Variants in CSMD3 observed in about 807,000 individuals in gnomAD.
CSMD3 encodes the protein CUB and sushi domain-containing protein 3.
A neutral mutation model predicts 435.2 loss-of-function variants in CSMD3; 177 were observed. The observed-to-expected ratio is 0.41, with a 90% CI of 0.36 to 0.46. The LOEUF is 0.46. CSMD3 is among the 20% of genes least tolerant of loss of function. CSMD3 has a pLI of 0.34. For missense variants in CSMD3, 4,265 were observed against 4,504.6 expected, an observed-to-expected ratio of 0.95 and a Z score of 1.52; for synonymous variants, 1,656 against 1,520.5, an observed-to-expected ratio of 1.09 and a Z score of -2.07.
At chr8:112,851,440 C>T (rs372092791) in intron 11 of CSMD3, among the ~76,000 whole-genome samples, 10 of 151,958 alleles carry the variant, frequency 6.6e-5, no homozygotes, top group Admixed American at 1.3e-4. Context: ...GAGAGAGAAT[C>T]GTGACATAAA....
At chr8:112,695,764 T>G (rs982278654) in intron 13 of CSMD3, among the ~76,000 whole-genome samples, 1 of 152,140 alleles carries the variant, frequency 6.6e-6, no homozygotes, top group Non-Finnish European at 1.5e-5. Flanking sequence ...ATAAAGGGTA[T>G]TCAGTTAGGA....
At chr8:113,410,857 A>G (rs2094555143) in intron 1 of CSMD3, among the ~76,000 whole-genome samples, 1 of 148,926 alleles carries the variant, frequency 6.7e-6, no homozygotes, top group Non-Finnish European at 1.5e-5. Flanking sequence ...GTGAACTATG[A>G]TCATGCTACT....
intron 13 of CSMD3, among the ~76,000 whole-genome samples, chr8:112,790,997 T>C (rs2078673825): frequency 6.6e-6 from 1 of 152,082 alleles, no homozygotes; most frequent in African/African-American, 2.4e-5. Flanking sequence ...CACACATATA[T>C]GCATTGGTGA....
intron 23 of CSMD3, among the ~76,000 whole-genome samples, chr8:112,586,663 T>C (rs1188326789): frequency 6.6e-6 from 1 of 150,916 alleles, no homozygotes; most frequent in East Asian, 2.0e-4. Flanking sequence ...TTATAGACAA[T>C]AGAATACAAA....
chr8:112,265,369 A>G (rs1586588523), intron 60 of CSMD3, 42 bp downstream of exon 60: 1 of 1,443,092 alleles, frequency 6.9e-7, no homozygotes. Flanking sequence ...GAAAATATGT[A>G]CTGGTTACCA....
intron 4 of CSMD3, among the ~76,000 whole-genome samples, chr8:113,116,098 T>G (rs919858110): frequency 1.3e-5 from 2 of 152,144 alleles, no homozygotes; most frequent in Non-Finnish European, 2.9e-5. Context: ...GTACCCTGTT[T>G]ATGGTATTTC....
At chr8:112,578,041 A>G (rs1213643727) in intron 23 of CSMD3, among the ~76,000 whole-genome samples, 1 of 152,044 alleles carries the variant, frequency 6.6e-6, no homozygotes, top group African/African-American at 2.4e-5. Context: ...CATTTGTTTT[A>G]TAGGTTGATT....
chr8:112,370,043 A>G (rs1351021186), intron 38 of CSMD3, among the ~76,000 whole-genome samples: 1 of 145,788 alleles, frequency 6.9e-6, no homozygotes, highest in African/African-American at 2.5e-5. Context: ...GAAGAAGAAG[A>G]AGAAGAAGAA....
At chr8:113,368,363 T>C (rs1284432920) in intron 1 of CSMD3, among the ~76,000 whole-genome samples, 2 of 152,116 alleles carry the variant, frequency 1.3e-5, no homozygotes, top group Non-Finnish European at 2.9e-5. Context: ...TGGATAAGTT[T>C]GAATTACTAG....
intron 4 of CSMD3, among the ~76,000 whole-genome samples, chr8:113,117,114 A>G (rs548993835): frequency 1.1e-3 from 160 of 152,240 alleles, no homozygotes; most frequent in Non-Finnish European, 1.6e-3. Context: ...GATCACCAAA[A>G]AATGGCAAAA....
At chr8:112,822,160 A>G (rs755797264) in intron 12 of CSMD3, among the ~76,000 whole-genome samples, 3 of 152,158 alleles carry the variant, frequency 2.0e-5, no homozygotes, top group Non-Finnish European at 4.4e-5. Context: ...TATGACATTT[A>G]AAGTAGTTTT....
intron 22 of CSMD3, among the ~76,000 whole-genome samples, chr8:112,628,621 A>G (rs1834690496): frequency 6.6e-6 from 1 of 152,210 alleles, no homozygotes; most frequent in African/African-American, 2.4e-5. Context: ...GTGGAAGTAA[A>G]GGAGTTTTGT....
rs568083550 is a variant in CSMD3 at position 113,296,003 on chromosome 8, T to A, written c.402-17299A>T. On this transcript the variant is annotated intron_variant, in intron 2 of 70. Coordinates refer to ENST00000297405, the MANE Select transcript of CSMD3 (RefSeq NM_198123.2). Reference sequence around the variant, plus strand: ...TAAGTTCACGTCCTTTGTAGGGACATGGATGAAGGTGGAAACCATCATTCT... The same window carrying A: ...TAAGTTCACGTCCTTTGTAGGGACAAGGATGAAGGTGGAAACCATCATTCT... Among the ~76,000 whole-genome samples the A allele has an allele frequency of 2.0e-5, 3 of 152,154 alleles. No homozygotes were observed. The East Asian group carries it at 5.8e-4, about 30-fold the overall frequency.
intron 13 of CSMD3, among the ~76,000 whole-genome samples, chr8:112,746,647 T>C (rs904872470): frequency 8.6e-5 from 13 of 151,846 alleles, no homozygotes; most frequent in Non-Finnish European, 1.0e-4. Flanking sequence ...ATATATATTA[T>C]TTATTTTTGA....
At chr8:113,263,698 T>TG (rs1270969531) in intron 3 of CSMD3, among the ~76,000 whole-genome samples, 1 of 151,978 alleles carries the variant, frequency 6.6e-6, no homozygotes, top group East Asian at 1.9e-4. Context: ...TGAACATATA[T>TG]GATTAAAAGA....
chr8:113,373,501 C>T lies in CSMD3; in HGVS notation c.179-58708G>A, dbSNP rs181362199. Among the ~76,000 whole-genome samples, 450 of 151,960 alleles carry T rather than the reference C, an allele frequency of 3.0e-3. 2 individuals carry two copies. Among genetic ancestry groups the T allele is most frequent in the African/African-American group, 9.1e-3 (377 of 41,458 alleles). On this transcript the variant is annotated intron_variant, in intron 1 of 70. Coordinates refer to ENST00000297405, the MANE Select transcript of CSMD3 (RefSeq NM_198123.2). ...ATACGTATATGTATATAAATGCACACAGCCCAACACTTTCAGCTTACATTA... is the reference window on the plus strand; with the variant it reads ...ATACGTATATGTATATAAATGCACATAGCCCAACACTTTCAGCTTACATTA...
intron 11 of CSMD3, among the ~76,000 whole-genome samples, chr8:112,841,589 G>A (rs972085345): frequency 6.6e-6 from 1 of 151,578 alleles, no homozygotes; most frequent in Non-Finnish European, 1.5e-5. Context: ...CTAAAAAATC[G>A]ATTGCAATCC....
chr8:112,428,956 A>G (rs1171701275), intron 32 of CSMD3, among the ~76,000 whole-genome samples: 26 of 152,124 alleles, frequency 1.7e-4, no homozygotes, highest in Admixed American at 1.7e-3. Flanking sequence ...TGTGTACAAC[A>G]TAATATTCTG....
At chr8:112,521,058 C>T (rs1820386245) in intron 27 of CSMD3, among the ~76,000 whole-genome samples, 1 of 151,988 alleles carries the variant, frequency 6.6e-6, no homozygotes, top group South Asian at 2.1e-4. Flanking sequence ...AAATGTTCTT[C>T]ATCTCCTCTG....
Sources: allele counts gnomAD v4.1 joint callset (sites outside exome capture counted in the v4.1 genomes callset), GRCh38; gene constraint gnomAD v4.1.1; transcripts MANE v1.5; gene names NCBI Gene and HGNC (gene_info 2026-07-23, HGNC 2026-07-21).